The following LINGO2 variants were observed in gnomAD, a reference collection of about 807,000 sequenced individuals.
The protein encoded by LINGO2 is leucine rich repeat and Ig domain containing 2.
LINGO2 carries 14 observed loss-of-function variants against 30.6 expected under a neutral mutation model. The ratio of observed to expected loss-of-function variants is 0.46; its 90% CI spans 0.30 to 0.72. LINGO2 has a LOEUF of 0.72. Ranked by LOEUF, LINGO2 falls within the 30% of genes least tolerant of loss-of-function variation. The probability of loss-of-function intolerance (pLI) is 0.07; values close to 1 mark genes in which losing one functional copy is unlikely to be tolerated. For synonymous variants in LINGO2, 317 were observed against 288.5 expected, an observed-to-expected ratio of 1.10 and a Z score of -1.00; for missense variants, 729 against 751.7, an observed-to-expected ratio of 0.97 and a Z score of 0.35.
chr9:28,780,830 A>ATGTGTGTGTGTG, the LINGO2 span, among the ~76,000 whole-genome samples: 35 of 127,504 alleles, frequency 2.7e-4, no homozygotes, highest in African/African-American at 7.9e-4. Context: ...CTTGGTAGTA[A>ATGTGTGTGTGTG]TGTGTGTGTG....
chr9:28,996,020 T>TAAA, the LINGO2 span, among the ~76,000 whole-genome samples: 66 of 150,472 alleles, frequency 4.4e-4, no homozygotes, highest in Middle Eastern at 0.014. Context: ...TAAAGTATAA[T>TAAA]AAAAAAAATG....
At chr9:28,273,453 C>T (rs1482183729) in intron 4 of LINGO2, among the ~76,000 whole-genome samples, 1 of 152,126 alleles carries the variant, frequency 6.6e-6, no homozygotes, top group Non-Finnish European at 1.5e-5. Flanking sequence ...AAAATGGTCC[C>T]TTAGTATTTT....
At chr9:28,787,458 A>G in the LINGO2 span, among the ~76,000 whole-genome samples, 2 of 152,326 alleles carry the variant, frequency 1.3e-5, no homozygotes, top group East Asian at 3.9e-4. Flanking sequence ...TAGTTGCTAA[A>G]TGAAGAGAGA....
the LINGO2 span, among the ~76,000 whole-genome samples, chr9:28,899,467 G>C: frequency 9.2e-5 from 14 of 152,122 alleles, no homozygotes; most frequent in African/African-American, 3.1e-4. Context: ...CCAGGCTCCA[G>C]ACTGACCACA....
intron 4 of LINGO2, among the ~76,000 whole-genome samples, chr9:28,194,512 C>A (rs1587192456): frequency 7.0e-6 from 1 of 143,728 alleles, no homozygotes. Flanking sequence ...TCAATCACTT[C>A]ATCATATTCC....
chr9:27,941,852 T>C, the LINGO2 span: 1 of 152,224 alleles, frequency 6.6e-6, no homozygotes, highest in Admixed American at 6.5e-5. Flanking sequence ...TTTCTCTTTT[T>C]ATTTTTTTTG....
intron 4 of LINGO2, among the ~76,000 whole-genome samples, chr9:28,282,751 G>T (rs755682840): frequency 1.3e-5 from 2 of 151,950 alleles, no homozygotes; most frequent in African/African-American, 4.8e-5. Context: ...TCTACAAGTC[G>T]GAATTCTTGG....
chr9:28,465,379 T>G (rs1008752740), intron 2 of LINGO2, among the ~76,000 whole-genome samples: 19 of 152,192 alleles, frequency 1.2e-4, no homozygotes, highest in South Asian at 2.1e-4. Context: ...TCCAGCTGCT[T>G]CTTCTCCTCT....
At chr9:27,976,923 A>G (rs1034386852) in intron 5 of LINGO2, among the ~76,000 whole-genome samples, 1 of 151,240 alleles carries the variant, frequency 6.6e-6, no homozygotes. Flanking sequence ...CTTTCTGTGT[A>G]TTTTTTTTTA....
chr9:28,811,105 T>A, the LINGO2 span, among the ~76,000 whole-genome samples: 1 of 152,164 alleles, frequency 6.6e-6, no homozygotes, highest in African/African-American at 2.4e-5. Context: ...AAAACCTACT[T>A]CTGTATCAGT....
chr9:28,201,444 T>C (rs1342621212), intron 4 of LINGO2, among the ~76,000 whole-genome samples: 1 of 147,014 alleles, frequency 6.8e-6, no homozygotes, highest in African/African-American at 2.5e-5. Context: ...TTCCATGGTG[T>C]ATATGTGCCA....
chr9:28,532,197 AAT>A (rs559273679), intron 1 of LINGO2, among the ~76,000 whole-genome samples: 31 of 152,272 alleles, frequency 2.0e-4, no homozygotes, highest in African/African-American at 7.5e-4. Flanking sequence ...CAGTGGGGAT[AAT>A]ATCTTTCAGA....
intron 4 of LINGO2, among the ~76,000 whole-genome samples, chr9:28,023,208 A>C (rs1488681847): frequency 1.3e-5 from 2 of 151,992 alleles, no homozygotes; most frequent in African/African-American, 4.8e-5. Flanking sequence ...TTCTTGTTTT[A>C]CTATACCTTG....
Position 28,565,593 on chromosome 9 carries a change from C to A in LINGO2, c.-364-89568G>T, listed in dbSNP as rs996286868. The stretch of plus-strand genomic sequence containing the variant: ...TTGAGACGGAGTCTCGCTCTGTCGC[C>A]CAGGCTGGAGTGCAGTGTCGCGATC... On this transcript the variant is annotated intron_variant, in intron 1 of 5. Transcript: ENST00000379992. Among the ~76,000 whole-genome samples the A allele has an allele frequency of 1.3e-4, 20 of 151,840 alleles. 1 individual carries two copies. The South Asian group carries it at 1.9e-3, about 14-fold the overall frequency.
intron 4 of LINGO2, among the ~76,000 whole-genome samples, chr9:28,179,682 T>C (rs1168973796): frequency 2.3e-5 from 3 of 128,996 alleles, no homozygotes; most frequent in African/African-American, 8.3e-5. Flanking sequence ...TTTTATACTA[T>C]ATATACTATA....
chr9:28,669,639 C>T (rs1828937870), intron 1 of LINGO2, among the ~76,000 whole-genome samples: 2 of 152,130 alleles, frequency 1.3e-5, no homozygotes, highest in African/African-American at 2.4e-5. Context: ...ACTAACAAGA[C>T]ATTCCAAGAA....
the LINGO2 span, among the ~76,000 whole-genome samples, chr9:29,000,610 C>A: frequency 5.9e-5 from 9 of 151,794 alleles, no homozygotes; most frequent in Admixed American, 5.3e-4. Flanking sequence ...TACCTTTATG[C>A]TGAATTGTAC....
intron 1 of LINGO2, among the ~76,000 whole-genome samples, chr9:28,554,776 G>T (rs1176363746): frequency 7.8e-6 from 1 of 128,538 alleles, no homozygotes; most frequent in Non-Finnish European, 1.6e-5. Flanking sequence ...AAATGTAAAA[G>T]AACAGAAATT....
At position 28,311,181 on chromosome 9, in the gene LINGO2, T is replaced by G. The variant is rs961169888; in HGVS notation, c.-245-15815A>C. Among the ~76,000 whole-genome samples the G allele has an allele frequency of 3.3e-5, 5 of 152,008 alleles. No homozygotes were observed. In the East Asian group the frequency reaches 7.7e-4, roughly 23 times the overall value. ...CATAAAACCAGCAAGTTTTTATTAG[T>G]GATTTTCAAAAGGGGAGGGAGTGTG... On this transcript the variant is annotated intron_variant, in intron 3 of 5. Transcript: ENST00000379992.
Sources: allele counts gnomAD v4.1 joint callset (sites outside exome capture counted in the v4.1 genomes callset), GRCh38; gene constraint gnomAD v4.1.1; transcripts MANE v1.5; gene names NCBI Gene and HGNC (gene_info 2026-07-23, HGNC 2026-07-21).